PCDH11X: variants seen among roughly 807,000 people sequenced by gnomAD.
PCDH11X encodes protocadherin 11 X-linked.
Under a neutral mutation model 53.3 loss-of-function variants are expected in PCDH11X, and 18 were observed. That is an observed-to-expected ratio of 0.34 (90% CI 0.23 to 0.50). The LOEUF (loss-of-function observed/expected upper bound fraction) is 0.50. Ranked by LOEUF, PCDH11X falls within the 20% of genes least tolerant of loss-of-function variation. The pLI, the probability that PCDH11X is intolerant of heterozygous loss-of-function variation, is 0.98. For synonymous variants in PCDH11X, 279 were observed against 393.3 expected (o/e 0.71, Z 3.44); for missense variants, 570 against 1,032.4 (o/e 0.55, Z 6.14).
chrX:92,130,984 CT>C (rs1352115226), intron 6 of PCDH11X, among the ~76,000 whole-genome samples: 1 of 110,308 alleles, frequency 9.1e-6, no homozygotes, highest in East Asian at 2.8e-4. Context: ...CCATATACAC[CT>C]TCTCATTTTA....
intron 8 of PCDH11X, among the ~76,000 whole-genome samples, chrX:92,271,512 A>G (rs976656125): frequency 3.6e-5 from 4 of 112,083 alleles, no homozygotes; most frequent in African/African-American, 1.3e-4. Flanking sequence ...GAGGGGTTTA[A>G]GTACCCCCAA....
chrX:91,868,342 A>C (rs1430359410), intron 5 of PCDH11X, among the ~76,000 whole-genome samples: 1 of 112,098 alleles, frequency 8.9e-6, no homozygotes, highest in African/African-American at 3.2e-5. Flanking sequence ...CATCTTTATT[A>C]TGACGTCCAT....
At chrX:92,276,797 C>T (rs1403156747) in intron 8 of PCDH11X, among the ~76,000 whole-genome samples, 1 of 111,422 alleles carries the variant, frequency 9.0e-6, no homozygotes, top group East Asian at 2.8e-4. Flanking sequence ...GGCCTTTTGA[C>T]CTTTTAGGGT....
chrX:92,187,888 A>C (rs1293143513), intron 6 of PCDH11X, among the ~76,000 whole-genome samples: 1 of 112,001 alleles, frequency 8.9e-6, no homozygotes, highest in Non-Finnish European at 1.9e-5. Flanking sequence ...TTCTGTAGTG[A>C]GTTTTATACT....
chrX:91,824,955 C>A (rs1936852168), intron 4 of PCDH11X, among the ~76,000 whole-genome samples: 1 of 108,998 alleles, frequency 9.2e-6, no homozygotes, highest in Admixed American at 9.6e-5. Flanking sequence ...CAGTGTGCCC[C>A]TGCTGGGGGG....
At chrX:92,112,678 G>A (rs1602958572) in intron 6 of PCDH11X, among the ~76,000 whole-genome samples, 1 of 109,079 alleles carries the variant, frequency 9.2e-6, no homozygotes, top group Non-Finnish European at 1.9e-5. Context: ...AATTCATCAT[G>A]AGGCTCCTAG....
intron 10 of PCDH11X, among the ~76,000 whole-genome samples, chrX:92,588,501 A>T (rs1294435885): frequency 9.4e-6 from 1 of 106,631 alleles, no homozygotes; most frequent in Admixed American, 1.0e-4. Flanking sequence ...GGAGTTGAAA[A>T]ATACAATTGT....
intron 9 of PCDH11X, among the ~76,000 whole-genome samples, chrX:92,443,711 A>T (rs1450873136): frequency 9.0e-6 from 1 of 111,167 alleles, no homozygotes; most frequent in African/African-American, 3.3e-5. Context: ...ATGTGGTAAA[A>T]GGTATGGATC....
intron 7 of PCDH11X, among the ~76,000 whole-genome samples, chrX:92,235,102 A>G (rs1037795681): frequency 1.8e-5 from 2 of 111,345 alleles, no homozygotes; most frequent in African/African-American, 6.5e-5. Context: ...AAGCTGCAGA[A>G]GGATAGAAGT....
chrX:92,360,770 T>C (rs1371456005), intron 8 of PCDH11X, among the ~76,000 whole-genome samples: 2 of 110,008 alleles, frequency 1.8e-5, no homozygotes, highest in African/African-American at 6.6e-5. Flanking sequence ...CAGGTCTTCA[T>C]TAGCTCACTA....
intron 8 of PCDH11X, among the ~76,000 whole-genome samples, chrX:92,332,316 A>T (rs774988765): frequency 1.4e-3 from 161 of 112,094 alleles, no homozygotes; most frequent in Non-Finnish European, 2.2e-3. Context: ...CAGGGCAGCT[A>T]CATTTGTAAC....
At chrX:92,034,967 C>T (rs1179420831) in intron 6 of PCDH11X, among the ~76,000 whole-genome samples, 1 of 109,334 alleles carries the variant, frequency 9.1e-6, no homozygotes, top group Non-Finnish European at 1.9e-5. Context: ...ATCTTATAAC[C>T]CATTATTTTA....
chrX:91,854,181 A>T (rs1392550984), intron 5 of PCDH11X, among the ~76,000 whole-genome samples: 3 of 111,242 alleles, frequency 2.7e-5, no homozygotes, highest in Non-Finnish European at 5.7e-5. Flanking sequence ...GCCTCTGGTA[A>T]CCACCTTCTA....
At chrX:92,469,702 T>C (rs1265155019) in intron 10 of PCDH11X, among the ~76,000 whole-genome samples, 1 of 111,537 alleles carries the variant, frequency 9.0e-6, no homozygotes, top group Non-Finnish European at 1.9e-5. Context: ...TTGTTGAAAA[T>C]GAGTTTACTG....
At chrX:92,148,040 C>CCCTTCCTT (rs200620081) in intron 6 of PCDH11X, among the ~76,000 whole-genome samples, 3 of 53,903 alleles carry the variant, frequency 5.6e-5, no homozygotes, top group African/African-American at 4.2e-4. Flanking sequence ...TTCCTTCTTT[C>CCCTTCCTT]CCTTCCTTCC....
chrX:92,019,983 A>T (rs2525139), intron 6 of PCDH11X, among the ~76,000 whole-genome samples: 1 of 111,929 alleles, frequency 8.9e-6, no homozygotes, highest in Non-Finnish European at 1.9e-5. Context: ...GGAGCCCCCA[A>T]TCCCAAGCCA....
chrX:92,203,100 G>GT (rs1334638163), intron 7 of PCDH11X, among the ~76,000 whole-genome samples: 2 of 112,101 alleles, frequency 1.8e-5, no homozygotes, highest in East Asian at 5.6e-4. Flanking sequence ...TTATACTGTT[G>GT]TTAATAAAGT....
chrX:91,988,563 G>A (rs1198858649), intron 6 of PCDH11X, among the ~76,000 whole-genome samples: 2 of 112,818 alleles, frequency 1.8e-5, no homozygotes, highest in Admixed American at 9.4e-5. Flanking sequence ...GTGTCACCTG[G>A]ACCTGTATTT....
chrX:91,967,206 G>A (rs1330897795), intron 6 of PCDH11X, among the ~76,000 whole-genome samples: 2 of 110,510 alleles, frequency 1.8e-5, no homozygotes, highest in East Asian at 5.8e-4. Context: ...TGTTACCAGT[G>A]TGTAGTTGTT....
Sources: allele counts gnomAD v4.1 joint callset (sites outside exome capture counted in the v4.1 genomes callset), GRCh38; gene constraint gnomAD v4.1.1; transcripts MANE v1.5; gene names NCBI Gene and HGNC (gene_info 2026-07-23, HGNC 2026-07-21).